VAV3: variants seen among roughly 807,000 people sequenced by gnomAD.
VAV3 encodes the protein vav guanine nucleotide exchange factor 3.
VAV3 carries 94 observed loss-of-function variants against 131.2 expected under a neutral mutation model. The observed-to-expected ratio is 0.72, with a 90% confidence interval of 0.61 to 0.85. The LOEUF (loss-of-function observed/expected upper bound fraction) is 0.85. Ranked by LOEUF, VAV3 falls within the 40% of genes least tolerant of loss-of-function variation. The pLI is 0.00. For missense variants in VAV3, 939 were observed against 1,002.7 expected (o/e 0.94, Z 0.86); for synonymous variants, 349 against 342.0 (o/e 1.02, Z -0.22).
intron 21 of VAV3, among the ~76,000 whole-genome samples, chr1:107,613,955 G>C (rs1456972272): frequency 6.6e-6 from 1 of 152,260 alleles, no homozygotes; most frequent in African/African-American, 2.4e-5. Flanking sequence ...TTCTAGCTTA[G>C]AATTATTTAG....
At chr1:107,776,408 G>C (rs1483397624) in intron 4 of VAV3, among the ~76,000 whole-genome samples, 4 of 152,284 alleles carry the variant, frequency 2.6e-5, no homozygotes, top group Non-Finnish European at 5.9e-5. Context: ...GCAATGTAAG[G>C]GGGTGGTGGC....
intron 1 of VAV3, 27 bp from the exon 2 acceptor site, chr1:107,875,044 ATAAAGT>A: frequency 6.3e-7 from 1 of 1,580,146 alleles, no homozygotes; most frequent in Non-Finnish European, 8.7e-7. Flanking sequence ...AGCTGTTAGC[ATAAAGT>A]TAATTATTCT....
At chr1:107,749,730 G>A (rs1339161564) in intron 13 of VAV3, 136 bp from the exon 14 acceptor site, 22 of 970,256 alleles carry the variant, frequency 2.3e-5, no homozygotes, top group African/African-American at 1.0e-4. Flanking sequence ...TGAAAACAAC[G>A]GGGTATTTGA....
intron 19 of VAV3, among the ~76,000 whole-genome samples, chr1:107,679,934 C>T (rs1260055625): frequency 2.0e-5 from 3 of 152,080 alleles, no homozygotes; most frequent in Admixed American, 6.5e-5. Flanking sequence ...CCAGAATTTG[C>T]ATCTAATACA....
At chr1:107,664,866 GTAAA>G in intron 19 of VAV3, among the ~76,000 whole-genome samples, 1 of 152,328 alleles carries the variant, frequency 6.6e-6, no homozygotes, top group Non-Finnish European at 1.5e-5. Flanking sequence ...TAGAAGTAGA[GTAAA>G]TAGAGAAGTC....
intron 15 of VAV3, among the ~76,000 whole-genome samples, chr1:107,725,488 G>C (rs1352727534): frequency 2.0e-5 from 3 of 152,202 alleles, no homozygotes; most frequent in South Asian, 4.2e-4. Context: ...CCAAACTTTT[G>C]AAGAGCTGGT....
intron 1 of VAV3, among the ~76,000 whole-genome samples, chr1:107,950,126 AAAAC>A (rs1016814403): frequency 1.5e-5 from 1 of 67,480 alleles, no homozygotes; most frequent in African/African-American, 3.3e-5. Context: ...TGGAAACCAC[AAAAC>A]AAAAAAAAAG....
intron 2 of VAV3, among the ~76,000 whole-genome samples, chr1:107,868,679 T>C (rs1243948178): frequency 6.6e-6 from 1 of 152,168 alleles, no homozygotes; most frequent in East Asian, 1.9e-4. Context: ...TGTCTTTATA[T>C]CTCCTCTTGC....
chr1:107,840,148 T>C (rs1006592045), intron 2 of VAV3, among the ~76,000 whole-genome samples: 3 of 152,216 alleles, frequency 2.0e-5, no homozygotes, highest in East Asian at 1.9e-4. Flanking sequence ...AAGTTCTCTA[T>C]AGAAACTTGT....
At chr1:107,690,118 G>A (rs1659326100) in intron 17 of VAV3, among the ~76,000 whole-genome samples, 1 of 152,190 alleles carries the variant, frequency 6.6e-6, no homozygotes, top group South Asian at 2.1e-4. Flanking sequence ...TCATAAATGA[G>A]TGTGCACCTG....
At chr1:107,696,185 C>T (rs1467326936) in intron 17 of VAV3, among the ~76,000 whole-genome samples, 2 of 152,094 alleles carry the variant, frequency 1.3e-5, no homozygotes, top group African/African-American at 4.8e-5. Flanking sequence ...AACAGTATTA[C>T]ACATATTTAT....
chr1:107,957,718 G>C (rs1437841423), intron 1 of VAV3, among the ~76,000 whole-genome samples: 2 of 152,124 alleles, frequency 1.3e-5, no homozygotes, highest in Non-Finnish European at 2.9e-5. Context: ...AAAGGGAAGA[G>C]AGAGTTTTAG....
chr1:107,899,428 A>G (rs1382501547), intron 1 of VAV3, among the ~76,000 whole-genome samples: 1 of 152,188 alleles, frequency 6.6e-6, no homozygotes, highest in East Asian at 1.9e-4. Flanking sequence ...CTTACAGCCC[A>G]CTAGCAAAGA....
chr1:107,720,119 T>C (rs1466649377), intron 15 of VAV3, among the ~76,000 whole-genome samples: 1 of 151,910 alleles, frequency 6.6e-6, no homozygotes, highest in Non-Finnish European at 1.5e-5. Context: ...AAATGATGAG[T>C]TAATAGGTGC....
intron 2 of VAV3, among the ~76,000 whole-genome samples, chr1:107,791,165 C>G (rs1666268156): frequency 6.6e-6 from 1 of 152,116 alleles, no homozygotes; most frequent in Non-Finnish European, 1.5e-5. Flanking sequence ...CTGCATTTAT[C>G]AAACTTGACA....
chr1:107,905,108 G>A (rs1373512858), intron 1 of VAV3, among the ~76,000 whole-genome samples: 15 of 152,162 alleles, frequency 9.9e-5, no homozygotes, highest in Non-Finnish European at 2.1e-4. Flanking sequence ...ATCCGAAACT[G>A]TTATAAAATG....
At chr1:107,724,943 A>G (rs1661746411) in intron 15 of VAV3, among the ~76,000 whole-genome samples, 1 of 152,098 alleles carries the variant, frequency 6.6e-6, no homozygotes, top group Admixed American at 6.6e-5. Flanking sequence ...CTACTAAAGG[A>G]CTGTATGCAG....
chr1:107,684,211 T>C (rs999102022), intron 18 of VAV3, among the ~76,000 whole-genome samples: 1 of 152,250 alleles, frequency 6.6e-6, no homozygotes, highest in Admixed American at 6.5e-5. Context: ...TGAAAATGCA[T>C]GGCTACATAT....
chr1:107,665,496 G>A (rs182753724), intron 19 of VAV3, among the ~76,000 whole-genome samples: 2 of 152,264 alleles, frequency 1.3e-5, no homozygotes, highest in East Asian at 3.9e-4. Context: ...TGTGTGAAGG[G>A]TTCTGCACTA....
Sources: allele counts gnomAD v4.1 joint callset (sites outside exome capture counted in the v4.1 genomes callset), GRCh38; gene constraint gnomAD v4.1.1; transcripts MANE v1.5; gene names NCBI Gene and HGNC (gene_info 2026-07-23, HGNC 2026-07-21).